The following SMC2 variants were observed in gnomAD, a reference collection of about 807,000 sequenced individuals.
The protein encoded by SMC2 is structural maintenance of chromosomes protein 2.
A neutral mutation model predicts 142.6 loss-of-function variants in SMC2; 41 were observed. The ratio of observed to expected loss-of-function variants is 0.29; its 90% CI spans 0.22 to 0.37. The LOEUF is 0.37. Among genes scored for constraint, SMC2 ranks in the 10% least tolerant of loss-of-function variants. The pLI, the probability that SMC2 is intolerant of heterozygous loss-of-function variation, is 1.00. For synonymous variants in SMC2, 463 were observed against 457.5 expected (o/e 1.01, Z -0.15); for missense variants, 1,265 against 1,373.7 (o/e 0.92, Z 1.25).
chr9:104,098,620 T>C (rs1371318023), intron 4 of SMC2, 52 bp downstream of exon 4: 3 of 1,536,406 alleles, frequency 2.0e-6, no homozygotes, highest in Non-Finnish European at 2.6e-6. Context: ...CGACATTTTT[T>C]ACTTTTAAGC....
Position 104,126,667 on chromosome 9 carries a change from G to A in SMC2, c.2478G>A (p.Leu826=). 6.2e-7 allele frequency: 1 copy of A among 1,610,332 alleles called. No homozygotes were observed. Among genetic ancestry groups the A allele is most frequent in the African/African-American group, 1.3e-5 (1 of 74,730 alleles). ...QQEVEAITLE[L]EELKREHTSY... The stretch of plus-strand genomic sequence containing the variant: ...AAGTTGAAGCTATCACTCTGGAACT[G>A]GAAGAGCTCAAGAGAGAGCATACAT... The change falls in exon 19 of 25, where the codon CTG becomes CTA. Residue 826 remains leucine, a synonymous_variant. Coordinates refer to ENST00000374793, the MANE Select transcript of SMC2 (RefSeq NM_006444.3).
chr9:104,108,052 G>A (rs996932832), intron 9 of SMC2, among the ~76,000 whole-genome samples: 39 of 152,082 alleles, frequency 2.6e-4, no homozygotes, highest in African/African-American at 8.5e-4. Context: ...ATCAATATCC[G>A]TACTCAGTGG....
At chr9:104,099,718 G>A (rs752619300) in intron 5 of SMC2, 36 bp downstream of exon 5, 3 of 1,233,266 alleles carry the variant, frequency 2.4e-6, no homozygotes, top group East Asian at 2.3e-5. Context: ...AAAATAGTTG[G>A]TATAGATATT....
intron 22 of SMC2, among the ~76,000 whole-genome samples, chr9:104,132,374 C>A (rs1835077085): frequency 6.6e-6 from 1 of 152,114 alleles, no homozygotes; most frequent in Non-Finnish European, 1.5e-5. Flanking sequence ...TTCTCTTTTA[C>A]AGGATGCTTA....
chr9:104,105,311 G>T (rs1003747536), intron 9 of SMC2, among the ~76,000 whole-genome samples: 1 of 152,074 alleles, frequency 6.6e-6, no homozygotes, highest in Admixed American at 6.5e-5. Flanking sequence ...CATGCCCAAC[G>T]TACAGGATCC....
In SMC2 at chr9:104,118,561, G is replaced by C. The variant is rs144366208; in HGVS notation, c.1996+186G>C. 2.8e-3 allele frequency among the ~76,000 whole-genome samples: 426 copies of C among 152,150 alleles called. 9 individuals carry two copies. Among genetic ancestry groups the C allele is most frequent in the Admixed American group, 0.023 (359 of 15,278 alleles). ...AAAAAATTAAACCTGCCCTTGAAATGGTACCTTAATGCCTTAAAGGAATTC... is the reference window on the plus strand; with the variant it reads ...AAAAAATTAAACCTGCCCTTGAAATCGTACCTTAATGCCTTAAAGGAATTC... On this transcript the variant is annotated intron_variant, in intron 15 of 24. Transcript: ENST00000374793.
intron 7 of SMC2, among the ~76,000 whole-genome samples, chr9:104,101,510 T>C (rs945705741): frequency 1.3e-5 from 2 of 152,338 alleles, no homozygotes; most frequent in South Asian, 2.1e-4. Flanking sequence ...TTTTTATGTA[T>C]AAATTAAGGA....
chr9:104,102,699 T>C, intron 9 of SMC2, 126 bp downstream of exon 9: 9 of 996,336 alleles, frequency 9.0e-6, no homozygotes, highest in Non-Finnish European at 1.1e-5. Flanking sequence ...TTGTTTGGGC[T>C]GTGGTTACAA....
At chr9:104,120,959 C>T (rs1280570920) in intron 16 of SMC2, among the ~76,000 whole-genome samples, 3 of 151,464 alleles carry the variant, frequency 2.0e-5, no homozygotes, top group African/African-American at 7.3e-5. Context: ...GTTACTAGTT[C>T]TAAGAAGAAC....
rs6479218 is a variant in SMC2, at chr9:104,126,806, C to G, written c.2595+22C>G. On this transcript the variant is annotated intron_variant, in intron 19 of 24. Transcript: ENST00000374793. ...TAAGGTAGGATTTATTTATCAAATTCGAGAAATTGAAAATGCGAATCTTTT... is the reference window on the plus strand; with the variant it reads ...TAAGGTAGGATTTATTTATCAAATTGGAGAAATTGAAAATGCGAATCTTTT... 0.017 allele frequency: 25,995 copies of G among 1,575,032 alleles called. 1,314 individuals carry two copies. In the African/African-American group the frequency reaches 0.18, roughly 11 times the overall value.
upstream of SMC2, among the ~76,000 whole-genome samples, chr9:104,093,990 A>G (rs765687251): frequency 6.6e-6 from 1 of 152,216 alleles, no homozygotes; most frequent in East Asian, 1.9e-4. Flanking sequence ...GAGAAGGCGG[A>G]GTCTGCAGTG....
rs1269860088 is a variant in SMC2 at position 104,127,350 on chromosome 9, C to T, written c.2660C>T (p.Thr887Ile). 3 of 1,613,576 alleles carry T rather than the reference C, an allele frequency of 1.9e-6. No homozygotes were observed. Among genetic ancestry groups the T allele is most frequent in the African/African-American group, 2.7e-5 (2 of 75,006 alleles). ...KQKEVITAQDTVIKAKYAEVA... is the reference protein window; with the variant it reads ...KQKEVITAQDIVIKAKYAEVA... ...AAAGAGGTGATAACAGCCCAAGACA[C>T]TGTAATTAAAGCTAAATATGCAGAA... The change falls in exon 20 of 25, where the codon ACT becomes ATT. Residue 887 changes from threonine (T) to isoleucine (I), a missense_variant. Coordinates refer to ENST00000374793, the MANE Select transcript of SMC2 (RefSeq NM_006444.3).
At chr9:104,126,339 C>T (rs991151773) in intron 18 of SMC2, among the ~76,000 whole-genome samples, 1 of 151,970 alleles carries the variant, frequency 6.6e-6, no homozygotes, top group African/African-American at 2.4e-5. Flanking sequence ...AGCTTTACTT[C>T]CAGTAATTCA....
chr9:104,102,719 A>G, intron 9 of SMC2, 146 bp downstream of exon 9: 3 of 727,036 alleles, frequency 4.1e-6, no homozygotes, highest in Non-Finnish European at 6.2e-6. Context: ...ACTGGACCAA[A>G]TGGTCAAAAA....
chr9:104,141,350 C>G lies in SMC2; in HGVS notation c.*2035C>G, dbSNP rs1044058883. 2.0e-5 allele frequency: 3 copies of G among 152,084 alleles called. No homozygotes were observed. Among genetic ancestry groups the G allele is most frequent in the Non-Finnish European group, 4.4e-5 (3 of 68,004 alleles). The allele number at this position is 152,084 out of a possible 1,614,324, so 9.4% of individuals were successfully genotyped here. ...GACAAATCTTGTCAGTCTCCAGAAC[C>G]TAAGATATACTACGTCACTGACAGC... is the stretch of plus-strand genomic sequence containing the variant. On this transcript the variant is annotated 3_prime_UTR_variant, in exon 25 of 25. Coordinates refer to ENST00000374793, the MANE Select transcript of SMC2 (RefSeq NM_006444.3).
chr9:104,103,273 A>G (rs753537981), intron 9 of SMC2, among the ~76,000 whole-genome samples: 32 of 152,140 alleles, frequency 2.1e-4, no homozygotes, highest in Non-Finnish European at 4.4e-4. Context: ...AGAAGTGGCC[A>G]TGAGTACCTG....
chr9:104,105,652 CAGTTA>C (rs764591686), intron 9 of SMC2, among the ~76,000 whole-genome samples: 2 of 152,070 alleles, frequency 1.3e-5, no homozygotes, highest in African/African-American at 2.4e-5. Context: ...TGTTTTGCCA[CAGTTA>C]AGTTAAAATG....
rs1261373411 is a variant in SMC2, at chr9:104,118,244, T to C, written c.1865T>C (p.Phe622Ser). 1 of 1,613,820 alleles carries C rather than the reference T, an allele frequency of 6.2e-7. No individual in the cohort carries two copies. Reference protein sequence around the residue: ...YKPELQKAMEFVFGTTFVCDN... With the variant: ...YKPELQKAMESVFGTTFVCDN... The stretch of plus-strand genomic sequence containing the variant: ...CCAGAACTTCAGAAAGCAATGGAGT[T>C]TGTCTTTGGAACAACATTTGTTTGT... The change falls in exon 15 of 25, where the codon TTT becomes TCT. Residue 622 changes from phenylalanine (F) to serine (S), a missense_variant. This residue lies in a region of SMC2 where 898 missense variants were observed against 904.2 expected (regional missense o/e 0.99). Transcript: ENST00000374793.
At position 104,126,630 on chromosome 9, in the gene SMC2, AT is replaced by A. The variant is rs748397888; in HGVS notation, c.2452-5del. 3.8e-6 allele frequency: 6 copies of A among 1,599,402 alleles called. No homozygotes were observed. Among genetic ancestry groups the A allele is most frequent in the Non-Finnish European group, 5.1e-6 (6 of 1,175,400 alleles). On this transcript the variant is annotated splice_polypyrimidine_tract_variant and intron_variant, in intron 18 of 24. Coordinates refer to ENST00000374793, the MANE Select transcript of SMC2 (RefSeq NM_006444.3). ...ACCTATATGAATACCTGAATACTGTATTTTTTATAGGAAGTTGAAGCTATCA... is the reference window on the plus strand; with the variant it reads ...ACCTATATGAATACCTGAATACTGTATTTTTATAGGAAGTTGAAGCTATCA...
Sources: gnomAD v4.1 joint callset for allele counts (sites outside exome capture counted in the v4.1 genomes callset) on GRCh38, gnomAD v4.1.1 for gene constraint, gnomAD v4.1.1 regional missense constraint, MANE v1.5 for transcripts, NCBI Gene and HGNC (gene_info 2026-07-23, HGNC 2026-07-21) for gene names.